BRINP3: variants seen among roughly 807,000 people sequenced by gnomAD.
The protein encoded by BRINP3 is BMP/retinoic acid inducible neural specific 3, also known as BMP/retinoic acid-inducible neural-specific protein 3.
In BRINP3, 19 loss-of-function variants were observed where a neutral mutation model predicts 71.0. That is an observed-to-expected ratio of 0.27 (90% confidence interval 0.19 to 0.39). BRINP3 has a LOEUF of 0.39. Ranked by LOEUF, BRINP3 falls within the 10% of genes least tolerant of loss-of-function variation. The pLI is 1.00. For missense variants in BRINP3, 959 were observed against 940.8 expected, an observed-to-expected ratio of 1.02 and a Z score of -0.25; for synonymous variants, 380 against 337.7, an observed-to-expected ratio of 1.13 and a Z score of -1.37.
chr1:190,219,438 G>C (rs531111274), intron 6 of BRINP3, among the ~76,000 whole-genome samples: 2 of 152,144 alleles, frequency 1.3e-5, no homozygotes, highest in East Asian at 3.9e-4. Flanking sequence ...AGAAATCATG[G>C]AATAGAGAAA....
At chr1:190,455,882 C>T (rs1373622782) in intron 1 of BRINP3, among the ~76,000 whole-genome samples, 3 of 152,124 alleles carry the variant, frequency 2.0e-5, no homozygotes, top group African/African-American at 7.2e-5. Flanking sequence ...TGCAAAGCTG[C>T]TGATGCAATG....
chr1:190,404,600 A>T (rs1278963832), intron 2 of BRINP3, among the ~76,000 whole-genome samples: 2 of 152,156 alleles, frequency 1.3e-5, no homozygotes, highest in Admixed American at 1.3e-4. Flanking sequence ...TCATTACCTT[A>T]CATTTGCAAA....
intron 2 of BRINP3, among the ~76,000 whole-genome samples, chr1:190,453,911 A>T (rs985047265): frequency 6.6e-6 from 1 of 152,220 alleles, no homozygotes; most frequent in Non-Finnish European, 1.5e-5. Context: ...AATTGAAGTG[A>T]TAGCTTCACA....
At chr1:190,336,352 G>GT (rs910745508) in intron 2 of BRINP3, among the ~76,000 whole-genome samples, 1 of 151,958 alleles carries the variant, frequency 6.6e-6, no homozygotes, top group African/African-American at 2.4e-5. Context: ...TAGTTACATA[G>GT]TTTTTTGTTT....
chr1:190,283,774 G>A (rs777896092), intron 2 of BRINP3, among the ~76,000 whole-genome samples: 1 of 151,274 alleles, frequency 6.6e-6, no homozygotes, highest in African/African-American at 2.4e-5. Flanking sequence ...CTTCTAAGAA[G>A]TTATTTTTAT....
At chr1:190,216,131 G>A (rs1656398031) in intron 6 of BRINP3, among the ~76,000 whole-genome samples, 1 of 151,516 alleles carries the variant, frequency 6.6e-6, no homozygotes, top group South Asian at 2.1e-4. Context: ...ATTTGCACAA[G>A]TCTTTTGGTT....
At chr1:190,310,005 A>T (rs1468372862) in intron 2 of BRINP3, among the ~76,000 whole-genome samples, 2 of 151,624 alleles carry the variant, frequency 1.3e-5, no homozygotes, top group Non-Finnish European at 3.0e-5. Flanking sequence ...GAATACATGG[A>T]GTAGGCTACA....
intron 7 of BRINP3, among the ~76,000 whole-genome samples, chr1:190,139,948 G>A (rs573076768): frequency 1.7e-4 from 26 of 152,190 alleles, no homozygotes; most frequent in Non-Finnish European, 3.4e-4. Flanking sequence ...AAACGTAAGC[G>A]AATAAATACG....
At chr1:190,415,407 G>T (rs1250969927) in intron 2 of BRINP3, among the ~76,000 whole-genome samples, 2 of 151,960 alleles carry the variant, frequency 1.3e-5, no homozygotes, top group African/African-American at 2.4e-5. Flanking sequence ...AAATTATATG[G>T]ATTAATGATA....
chr1:190,380,651 TC>T (rs1356252289), intron 2 of BRINP3, among the ~76,000 whole-genome samples: 1 of 152,252 alleles, frequency 6.6e-6, no homozygotes, highest in Admixed American at 6.5e-5. Context: ...AGTAAAAGTA[TC>T]CCAAAGTCAA....
intron 1 of BRINP3, among the ~76,000 whole-genome samples, chr1:190,465,069 C>T (rs923117588): frequency 1.3e-5 from 2 of 151,924 alleles, no homozygotes; most frequent in East Asian, 3.9e-4. Flanking sequence ...AAGTTCCATT[C>T]CTTAAGTCGG....
At chr1:190,122,169 C>T (rs1028159174) in intron 7 of BRINP3, among the ~76,000 whole-genome samples, 4 of 152,036 alleles carry the variant, frequency 2.6e-5, no homozygotes, top group African/African-American at 7.2e-5. Context: ...TTTCTGCCAT[C>T]GGATCCATTG....
At chr1:190,154,065 T>A (rs4576663) in intron 7 of BRINP3, 1 of 963,930 alleles carries the variant, frequency 1.0e-6, no homozygotes, top group Non-Finnish European at 1.2e-6. Flanking sequence ...TCACAAGTTT[T>A]TTCAGTTATG....
At chr1:190,105,791 T>G (rs1231326530) in intron 7 of BRINP3, among the ~76,000 whole-genome samples, 1 of 152,126 alleles carries the variant, frequency 6.6e-6, no homozygotes, top group South Asian at 2.1e-4. Flanking sequence ...CAGCATAATA[T>G]AGTTCAAAAA....
intron 6 of BRINP3, among the ~76,000 whole-genome samples, chr1:190,166,404 G>C (rs1197413111): frequency 6.6e-6 from 1 of 152,096 alleles, no homozygotes; most frequent in East Asian, 1.9e-4. Context: ...CCCTCACTGG[G>C]TTGCCCTGTT....
chr1:190,234,329 C>G, intron 5 of BRINP3, 43 bp downstream of exon 5: 1 of 1,407,946 alleles, frequency 7.1e-7, no homozygotes, highest in South Asian at 1.3e-5. Context: ...TGGATAATTG[C>G]TATTCAGGCT....
Position 190,192,254 on chromosome 1 carries a change from A to G in BRINP3, c.962-31364T>C, listed in dbSNP as rs1654097802. On this transcript the variant is annotated intron_variant, in intron 6 of 7. Transcript: ENST00000367462. Reference sequence around the variant, plus strand: ...AAATATTTTAAAGTGAATTTGAAGTAAAAATAATCTTTAAAGTCCTAAGCT... The same window carrying G: ...AAATATTTTAAAGTGAATTTGAAGTGAAAATAATCTTTAAAGTCCTAAGCT... 3.3e-5 allele frequency among the ~76,000 whole-genome samples: 5 copies of G among 152,290 alleles called. No homozygotes were observed. The South Asian group carries it at 1.0e-3, about 32-fold the overall frequency.
chr1:190,242,704 C>T (rs964943020), intron 4 of BRINP3, among the ~76,000 whole-genome samples: 4 of 151,648 alleles, frequency 2.6e-5, no homozygotes, highest in Non-Finnish European at 2.9e-5. Flanking sequence ...TAGTGATACT[C>T]GAAACATAAG....
Position 190,409,747 on chromosome 1 carries a change from A to G in BRINP3, c.236+44908T>C, listed in dbSNP as rs572801911. Among the ~76,000 whole-genome samples the G allele has an allele frequency of 5.3e-5, 8 of 152,308 alleles. No homozygotes were observed. In the South Asian group the frequency reaches 1.7e-3, roughly 32 times the overall value. On this transcript the variant is annotated intron_variant, in intron 2 of 7. Transcript: ENST00000367462. ...AGAATGATGGGAAGGAGCAGACCAT[A>G]AGAAGAACTGAAGAAATAAAGAGGG...
Sources: gnomAD v4.1 joint callset for allele counts (sites outside exome capture counted in the v4.1 genomes callset) on GRCh38, gnomAD v4.1.1 for gene constraint, MANE v1.5 for transcripts, NCBI Gene and HGNC (gene_info 2026-07-23, HGNC 2026-07-21) for gene names.